ABI1: variants seen among roughly 807,000 people sequenced by gnomAD.
ABI1 encodes abl interactor 1, also known as Abelson interactor 1.
A neutral mutation model predicts 54.6 loss-of-function variants in ABI1; 14 were observed. The ratio of observed to expected loss-of-function variants is 0.26; its 90% CI spans 0.17 to 0.40. The LOEUF is 0.40. Ranked by LOEUF, ABI1 falls within the 10% of genes least tolerant of loss-of-function variation. The pLI is 1.00. For missense variants in ABI1, 443 were observed against 598.3 expected (o/e 0.74, Z 2.71); for synonymous variants, 194 against 209.3 (o/e 0.93, Z 0.63).
intron 9 of ABI1, 131 bp from the exon 10 acceptor site, chr10:26,751,914 A>C: frequency 1.2e-6 from 1 of 845,958 alleles, no homozygotes; most frequent in East Asian, 2.9e-5. Flanking sequence ...GATTAGAAAT[A>C]AAAGCTTGGT....
chr10:26,836,360 G>A (rs7893800), intron 1 of ABI1, among the ~76,000 whole-genome samples: 71,054 of 151,842 alleles, frequency 0.47, 17,056 homozygotes, highest in African/African-American at 0.57. Flanking sequence ...CAATCCACCT[G>A]CCTCAGCCTC....
At chr10:26,836,347 A>G (rs1036242319) in intron 1 of ABI1, among the ~76,000 whole-genome samples, 5 of 152,110 alleles carry the variant, frequency 3.3e-5, no homozygotes, top group African/African-American at 1.2e-4. Context: ...TCCTGACCTC[A>G]GGCAATCCAC....
In ABI1 at chr10:26,848,605, C is replaced by CTT. The variant is rs35694402; in HGVS notation, c.117+12140_117+12141dup. Among the ~76,000 whole-genome samples the CTT allele has an allele frequency of 9.2e-3, 988 of 107,336 alleles. 47 individuals are homozygous for CTT. Among genetic ancestry groups the CTT allele is most frequent in the African/African-American group, 0.02 (544 of 27,598 alleles). 70.4% of individuals were successfully genotyped at this position (107,336 alleles called of 152,430 possible). ...GCACAGTATGCAATATAAGAAGAGG[C>CTT]TTTTTTTTTTTTTTTTTTTTTGAGA... On this transcript the variant is annotated intron_variant, in intron 1 of 10. Coordinates refer to ENST00000376140, the MANE Select transcript of ABI1 (RefSeq NM_001012750.3).
rs1836965481 is a variant in ABI1, at chr10:26,746,758, A to G, written c.*1812T>C. 1 of 442,432 alleles carries G rather than the reference A, an allele frequency of 2.3e-6. No homozygotes were observed. The highest frequency in any genetic ancestry group is 4.2e-6 in the Non-Finnish European group (1 of 238,412). 27.4% of individuals were successfully genotyped at this position (442,432 alleles called of 1,614,324 possible). A position where few individuals can be genotyped will look rare whatever the true frequency, so the allele number is the denominator to read the frequency against. ...GTTTACACTGTTAATATCCACATGT[A>G]AGGCCATTACACAAATAAATAACCA... On this transcript the variant is annotated 3_prime_UTR_variant, in exon 11 of 11. Transcript: ENST00000376140.
chr10:26,788,997 A>AG (rs1843076970), intron 2 of ABI1: 1 of 149,120 alleles, frequency 6.7e-6, no homozygotes, highest in Non-Finnish European at 1.5e-5. Context: ...AATTCATTTG[A>AG]GAAAAAAAAA....
At chr10:26,807,220 T>C (rs371863171) in intron 2 of ABI1, among the ~76,000 whole-genome samples, 1 of 152,154 alleles carries the variant, frequency 6.6e-6, no homozygotes, top group African/African-American at 2.4e-5. Context: ...ACGCCTGTAA[T>C]CCCAGCACTT....
At chr10:26,785,608 G>C (rs1053370203) in intron 2 of ABI1, among the ~76,000 whole-genome samples, 14 of 152,010 alleles carry the variant, frequency 9.2e-5, no homozygotes, top group African/African-American at 3.4e-4. Flanking sequence ...TGTAGTCTCA[G>C]TTACTTGCGG....
intron 6 of ABI1, among the ~76,000 whole-genome samples, chr10:26,767,444 G>C (rs905971981): frequency 2.6e-5 from 4 of 152,182 alleles, no homozygotes; most frequent in Non-Finnish European, 5.9e-5. Context: ...TATTAAGTGA[G>C]AGAGAAAACT....
At chr10:26,816,986 TTGTG>T (rs71403891) in intron 2 of ABI1, among the ~76,000 whole-genome samples, 7,566 of 143,830 alleles carry the variant, frequency 0.053, 220 homozygotes, top group East Asian at 0.14. Flanking sequence ...TGCAAAGACT[TTGTG>T]TGTGTGTGTG....
intron 1 of ABI1, among the ~76,000 whole-genome samples, chr10:26,843,710 T>C (rs1354693705): frequency 6.7e-6 from 1 of 149,688 alleles, no homozygotes; most frequent in Non-Finnish European, 1.5e-5. Flanking sequence ...CTTCTTCTTC[T>C]TTGTGGTAGT....
At chr10:26,754,243 G>C (rs1489684726) in intron 9 of ABI1, among the ~76,000 whole-genome samples, 1 of 152,116 alleles carries the variant, frequency 6.6e-6, no homozygotes, top group African/African-American at 2.4e-5. Flanking sequence ...TTGACGTCCT[G>C]GACTCAAATG....
chr10:26,835,592 A>T (rs375132849), intron 1 of ABI1, among the ~76,000 whole-genome samples: 7 of 147,306 alleles, frequency 4.8e-5, no homozygotes, highest in Non-Finnish European at 7.4e-5. Flanking sequence ...AAAAAAAAAA[A>T]TTATTCTATA....
At chr10:26,790,341 T>G (rs969471035) in intron 2 of ABI1, among the ~76,000 whole-genome samples, 1 of 152,234 alleles carries the variant, frequency 6.6e-6, no homozygotes, top group Non-Finnish European at 1.5e-5. Flanking sequence ...TGGTATGAGA[T>G]GGTAGCTCAT....
chr10:26,785,360 G>C (rs1204032105), intron 2 of ABI1, among the ~76,000 whole-genome samples: 1 of 152,190 alleles, frequency 6.6e-6, no homozygotes, highest in Non-Finnish European at 1.5e-5. Flanking sequence ...GAATGGTCTT[G>C]AGGGATCAAG....
intron 2 of ABI1, among the ~76,000 whole-genome samples, chr10:26,778,046 A>G (rs1226402504): frequency 6.6e-6 from 1 of 152,074 alleles, no homozygotes; most frequent in Non-Finnish European, 1.5e-5. Flanking sequence ...CTCTGTACAA[A>G]GGATAAACAG....
At chr10:26,769,276 C>G (rs1211684254) in intron 5 of ABI1, among the ~76,000 whole-genome samples, 1 of 152,014 alleles carries the variant, frequency 6.6e-6, no homozygotes, top group Non-Finnish European at 1.5e-5. Flanking sequence ...TTTAAATGCT[C>G]AATAATAGCA....
At chr10:26,760,681 G>A (rs1839007318) in intron 7 of ABI1, among the ~76,000 whole-genome samples, 1 of 152,088 alleles carries the variant, frequency 6.6e-6, no homozygotes, top group Non-Finnish European at 1.5e-5. Flanking sequence ...CCTGAGGTCA[G>A]GAGTTTGAGA....
chr10:26,752,055 T>C (rs1031419254), intron 9 of ABI1, among the ~76,000 whole-genome samples: 1 of 152,220 alleles, frequency 6.6e-6, no homozygotes, highest in East Asian at 1.9e-4. Flanking sequence ...ATAAGGATTA[T>C]AGGAGTAGTT....
At chr10:26,835,171 G>A (rs1342351510) in intron 1 of ABI1, among the ~76,000 whole-genome samples, 1 of 150,672 alleles carries the variant, frequency 6.6e-6, no homozygotes, top group East Asian at 1.9e-4. Flanking sequence ...CAAAAAGACA[G>A]GCAATAAAAG....
Sources: allele counts gnomAD v4.1 joint callset (sites outside exome capture counted in the v4.1 genomes callset), GRCh38; gene constraint gnomAD v4.1.1; transcripts MANE v1.5; gene names NCBI Gene and HGNC (gene_info 2026-07-23, HGNC 2026-07-21).